SLC14A2: variants seen among roughly 807,000 people sequenced by gnomAD.
The protein encoded by SLC14A2 is solute carrier family 14 member 2.
Under a neutral mutation model 104.6 loss-of-function variants are expected in SLC14A2, and 91 were observed. The observed-to-expected ratio is 0.87, with a 90% CI of 0.73 to 1.04. SLC14A2 has a LOEUF of 1.04. Among genes scored for constraint, SLC14A2 ranks in the 50% least tolerant of loss-of-function variants. The probability of loss-of-function intolerance (pLI) is 0.00; values close to 1 mark genes in which losing one functional copy is unlikely to be tolerated. For missense variants in SLC14A2, 1,189 were observed against 1,156.0 expected, an observed-to-expected ratio of 1.03 and a Z score of -0.41; for synonymous variants, 476 against 466.4, an observed-to-expected ratio of 1.02 and a Z score of -0.27.
rs183807749 is a variant in SLC14A2 at position 45,593,612 on chromosome 18, C to T, written c.-34-31019C>T. Reference sequence around the variant, plus strand: ...TCACGCCGTTCTCCTGCCTCAGCCTCCCAAGTTGCTGGGACTACAGGTGCC... The same window carrying T: ...TCACGCCGTTCTCCTGCCTCAGCCTTCCAAGTTGCTGGGACTACAGGTGCC... On this transcript the variant is annotated intron_variant, in intron 2 of 20. Coordinates refer to the SLC14A2 transcript ENST00000586448. Among the ~76,000 whole-genome samples the T allele has an allele frequency of 7.1e-3, 1,070 of 150,302 alleles. 10 individuals are homozygous for T. The highest frequency in any genetic ancestry group is 0.024 in the African/African-American group (997 of 40,938).
intron 1 of SLC14A2, among the ~76,000 whole-genome samples, chr18:45,462,673 A>G (rs1374986547): frequency 6.6e-6 from 1 of 152,216 alleles, no homozygotes; most frequent in Non-Finnish European, 1.5e-5. Flanking sequence ...CTTGAGAGCC[A>G]CGTGGTAGAT....
rs2084322098 is a variant in SLC14A2 at position 45,241,931 on chromosome 18, C to T, written c.-125+28740C>T. 2.0e-5 allele frequency among the ~76,000 whole-genome samples: 3 copies of T among 152,118 alleles called. No homozygotes were observed. The South Asian group carries it at 6.2e-4, about 32-fold the overall frequency. On this transcript the variant is annotated intron_variant, in intron 1 of 20. Coordinates refer to the SLC14A2 transcript ENST00000586448. ...GTGCTGGGATTACAGGTGTGAACCA[C>T]AGTGCCCGGCAACTTACCTGATTTT...
intron 10 of SLC14A2, among the ~76,000 whole-genome samples, chr18:45,645,299 A>G (rs186090623): frequency 2.0e-5 from 3 of 152,250 alleles, no homozygotes; most frequent in Non-Finnish European, 4.4e-5. Flanking sequence ...TGTGATAAAC[A>G]TATGTGTGCT....
At chr18:45,586,919 C>T (rs368337842) in intron 2 of SLC14A2, among the ~76,000 whole-genome samples, 1 of 151,976 alleles carries the variant, frequency 6.6e-6, no homozygotes, top group Admixed American at 6.6e-5. Flanking sequence ...AATTTAAGAA[C>T]TTATCATAGA....
chr18:45,572,740 T>C (rs16978411), intron 2 of SLC14A2, among the ~76,000 whole-genome samples: 1 of 152,176 alleles, frequency 6.6e-6, no homozygotes, highest in African/African-American at 2.4e-5. Flanking sequence ...GCACTTCAGG[T>C]ATACTCATTC....
intron 1 of SLC14A2, among the ~76,000 whole-genome samples, chr18:45,239,590 C>T (rs536593556): frequency 6.6e-6 from 1 of 152,304 alleles, no homozygotes; most frequent in Admixed American, 6.5e-5. Flanking sequence ...ACATGTTGTA[C>T]AGCAACAGTA....
At chr18:45,396,662 C>T (rs2086036232) in intron 1 of SLC14A2, among the ~76,000 whole-genome samples, 1 of 140,194 alleles carries the variant, frequency 7.1e-6, no homozygotes, top group Non-Finnish European at 1.5e-5. Context: ...TCTTTTTTCC[C>T]TCTTTTTTTT....
chr18:45,218,841 C>T (rs910076746), intron 1 of SLC14A2, among the ~76,000 whole-genome samples: 2 of 151,846 alleles, frequency 1.3e-5, no homozygotes, highest in Non-Finnish European at 2.9e-5. Flanking sequence ...CAGTAGCACC[C>T]CTTGCAGGTC....
chr18:45,245,646 AGT>A (rs577203395), intron 1 of SLC14A2, among the ~76,000 whole-genome samples: 100 of 152,314 alleles, frequency 6.6e-4, no homozygotes, highest in African/African-American at 2.3e-3. Context: ...GGCCAAGTAG[AGT>A]GTAGATGAAG....
chr18:45,437,354 TAGAG>T (rs59174068), intron 1 of SLC14A2, among the ~76,000 whole-genome samples: 1 of 151,570 alleles, frequency 6.6e-6, no homozygotes, highest in Non-Finnish European at 1.5e-5. Flanking sequence ...ACCAGCCTCA[TAGAG>T]AGAGTCATGC....
chr18:45,227,629 A>T (rs778612123), intron 1 of SLC14A2, among the ~76,000 whole-genome samples: 9 of 152,234 alleles, frequency 5.9e-5, no homozygotes, highest in Non-Finnish European at 1.2e-4. Flanking sequence ...CCACCACATT[A>T]GCAAAGCCTG....
At chr18:45,459,549 C>T (rs917840724) in intron 1 of SLC14A2, among the ~76,000 whole-genome samples, 1 of 152,180 alleles carries the variant, frequency 6.6e-6, no homozygotes, top group African/African-American at 2.4e-5. Context: ...GGCCTTAGTT[C>T]TCTCAACCAA....
Position 45,277,533 on chromosome 18 carries a change from T to C in SLC14A2, c.-125+64342T>C, listed in dbSNP as rs1328471225. ...AAGCGATCCTCCTACCTCAGCCTCC[T>C]GAGTAGCTGGTACTATAGGCATATG... On this transcript the variant is annotated intron_variant, in intron 1 of 20. Transcript: ENST00000586448. Among the ~76,000 whole-genome samples, 4 of 152,286 alleles carry C rather than the reference T, an allele frequency of 2.6e-5. 1 individual carries two copies. The highest frequency in any genetic ancestry group is 6.8e-3 in the Middle Eastern group (2 of 294).
chr18:45,472,483 A>T (rs1410860201), intron 1 of SLC14A2, among the ~76,000 whole-genome samples: 2 of 152,014 alleles, frequency 1.3e-5, no homozygotes, highest in African/African-American at 2.4e-5. Context: ...ACTAATTTAC[A>T]CTCCCACCAA....
chr18:45,321,258 A>G (rs1374406578), intron 1 of SLC14A2, among the ~76,000 whole-genome samples: 1 of 152,250 alleles, frequency 6.6e-6, no homozygotes, highest in African/African-American at 2.4e-5. Context: ...GGGATTATTA[A>G]GCATACTAAG....
intron 2 of SLC14A2, among the ~76,000 whole-genome samples, chr18:45,516,338 T>G (rs2043440560): frequency 6.6e-6 from 1 of 152,300 alleles, no homozygotes; most frequent in African/African-American, 2.4e-5. Context: ...GGTAACAGTT[T>G]GAAGACCTTG....
the SLC14A2 span, among the ~76,000 whole-genome samples, chr18:45,185,208 A>C: frequency 9.8e-5 from 15 of 152,312 alleles, no homozygotes; most frequent in African/African-American, 3.6e-4. Flanking sequence ...AGGGAGAAAG[A>C]AGAATGTATT....
chr18:45,664,158 A>C (rs1020725635), intron 11 of SLC14A2, among the ~76,000 whole-genome samples: 1 of 152,124 alleles, frequency 6.6e-6, no homozygotes, highest in African/African-American at 2.4e-5. Flanking sequence ...CATTGGAATC[A>C]CCTGCATCCC....
intron 2 of SLC14A2, among the ~76,000 whole-genome samples, chr18:45,535,476 T>C (rs890878129): frequency 2.6e-5 from 4 of 152,170 alleles, no homozygotes; most frequent in African/African-American, 7.2e-5. Context: ...GTTCCGACCA[T>C]CCCGTGAGAT....
Sources: gnomAD v4.1 joint callset for allele counts (sites outside exome capture counted in the v4.1 genomes callset) on GRCh38, gnomAD v4.1.1 for gene constraint, MANE v1.5 for transcripts, NCBI Gene and HGNC (gene_info 2026-07-23, HGNC 2026-07-21) for gene names.